The following CHRM3 variants were observed in gnomAD, a reference collection of about 807,000 sequenced individuals.
CHRM3 encodes cholinergic receptor muscarinic 3, also known as muscarinic acetylcholine receptor M3.
CHRM3 carries 11 observed loss-of-function variants against 41.8 expected under a neutral mutation model. The ratio of observed to expected loss-of-function variants is 0.26; its 90% CI spans 0.17 to 0.44. The LOEUF (loss-of-function observed/expected upper bound fraction) is 0.44. Among genes scored for constraint, CHRM3 ranks in the 20% least tolerant of loss-of-function variants. The pLI is 1.00. For synonymous variants in CHRM3, 297 were observed against 301.4 expected (o/e 0.99, Z 0.15); for missense variants, 571 against 745.4 (o/e 0.77, Z 2.72).
chr1:239,675,648 T>A (rs762760435), intron 4 of CHRM3, among the ~76,000 whole-genome samples: 4 of 152,212 alleles, frequency 2.6e-5, no homozygotes, highest in Non-Finnish European at 4.4e-5. Flanking sequence ...AAGTAATTTC[T>A]AATATGTTAT....
chr1:239,816,072 T>C (rs1373872998), intron 5 of CHRM3, among the ~76,000 whole-genome samples: 2 of 152,154 alleles, frequency 1.3e-5, no homozygotes, highest in African/African-American at 4.8e-5. Flanking sequence ...TGCCAGCTTA[T>C]TGCCCTCACA....
intron 2 of CHRM3, among the ~76,000 whole-genome samples, chr1:239,526,479 T>G (rs1386378854): frequency 6.6e-6 from 1 of 152,158 alleles, no homozygotes; most frequent in Non-Finnish European, 1.5e-5. Context: ...GGATTTGACC[T>G]CTGTGAATAC....
chr1:239,388,690 A>G (rs1204780203), intron 1 of CHRM3, among the ~76,000 whole-genome samples: 1 of 152,204 alleles, frequency 6.6e-6, no homozygotes, highest in Admixed American at 6.5e-5. Flanking sequence ...ATATTGTGGG[A>G]TAGACGAGGT....
At chr1:239,857,836 C>CATA (rs1675248566) in intron 6 of CHRM3, among the ~76,000 whole-genome samples, 1 of 152,104 alleles carries the variant, frequency 6.6e-6, no homozygotes, top group Admixed American at 6.5e-5. Context: ...GTGCAATTAC[C>CATA]ATAGGTCTTT....
intron 4 of CHRM3, among the ~76,000 whole-genome samples, chr1:239,662,930 T>TCTTCTTCTTCTTCTC (rs972963044): frequency 5.4e-5 from 8 of 148,378 alleles, no homozygotes; most frequent in African/African-American, 2.0e-4. Flanking sequence ...TTCTTCTTCT[T>TCTTCTTCTTCTTCTC]CTCCTCTTCT....
intron 6 of CHRM3, among the ~76,000 whole-genome samples, chr1:239,848,497 GAAGTGAT>G: frequency 1.3e-5 from 2 of 152,106 alleles, no homozygotes; most frequent in Middle Eastern, 6.8e-3. Context: ...TTAGTATTGT[GAAGTGAT>G]CTATATATGT....
intron 6 of CHRM3, among the ~76,000 whole-genome samples, chr1:239,840,824 T>A (rs1673735866): frequency 6.6e-6 from 1 of 152,218 alleles, no homozygotes; most frequent in Admixed American, 6.5e-5. Flanking sequence ...TAGGATGGCT[T>A]CAGTTTGTAG....
chr1:239,404,400 GAAAGAAAGAAAAAGAAAGAA>G lies in CHRM3; in HGVS notation c.-521+17175_-521+17194del, dbSNP rs1558195462. The stretch of plus-strand genomic sequence containing the variant: ...AGAAAGAAAGAAAGAAAGAAAGAAA[GAAAGAAAGAAAAAGAAAGAA>G]AGAAAGAAAGAAAGAAAGAAAGAAA... On this transcript the variant is annotated intron_variant, in intron 1 of 6. Coordinates refer to ENST00000676153, the MANE Select transcript of CHRM3 (RefSeq NM_001375978.1). 2.9e-3 allele frequency among the ~76,000 whole-genome samples: 172 copies of G among 59,034 alleles called. 5 individuals are homozygous for G. The highest frequency in any genetic ancestry group is 0.01 in the East Asian group (22 of 2,136). 38.7% of individuals were successfully genotyped at this position (59,034 alleles called of 152,430 possible).
intron 1 of CHRM3, among the ~76,000 whole-genome samples, chr1:239,481,309 G>A (rs939913021): frequency 8.6e-5 from 13 of 151,968 alleles, no homozygotes; most frequent in Non-Finnish European, 1.3e-4. Flanking sequence ...TTTAAATTTC[G>A]GAAGACGTAT....
At chr1:239,422,385 G>T (rs546100181) in intron 1 of CHRM3, among the ~76,000 whole-genome samples, 1 of 152,134 alleles carries the variant, frequency 6.6e-6, no homozygotes, top group Non-Finnish European at 1.5e-5. Flanking sequence ...TTTATTTTTT[G>T]TCTTTTTTTC....
chr1:239,783,040 G>T (rs968137045), intron 5 of CHRM3, among the ~76,000 whole-genome samples: 1 of 151,818 alleles, frequency 6.6e-6, no homozygotes, highest in Non-Finnish European at 1.5e-5. Context: ...CTATTTTGGT[G>T]AATGCTTCAT....
intron 5 of CHRM3, among the ~76,000 whole-genome samples, chr1:239,770,887 G>C (rs1335954584): frequency 2.0e-5 from 3 of 152,096 alleles, no homozygotes; most frequent in Non-Finnish European, 4.4e-5. Context: ...AGGAGTTTGA[G>C]ACCAGCCTGA....
chr1:239,718,163 G>A (rs1441421134), intron 5 of CHRM3, among the ~76,000 whole-genome samples: 1 of 152,018 alleles, frequency 6.6e-6, no homozygotes, highest in African/African-American at 2.4e-5. Flanking sequence ...GGATTGAAAT[G>A]CAACCTACTA....
chr1:239,729,342 A>G (rs942970645), intron 5 of CHRM3, among the ~76,000 whole-genome samples: 1 of 151,890 alleles, frequency 6.6e-6, no homozygotes, highest in African/African-American at 2.4e-5. Flanking sequence ...TGAAGGGAAA[A>G]AAAATCCCAG....
chr1:239,475,029 T>C (rs2147964070), intron 1 of CHRM3, among the ~76,000 whole-genome samples: 1 of 152,236 alleles, frequency 6.6e-6, no homozygotes, highest in Middle Eastern at 3.4e-3. Flanking sequence ...ATTATGTTTT[T>C]ATGTCTAGTT....
At chr1:239,460,447 TG>T (rs1158304227) in intron 1 of CHRM3, among the ~76,000 whole-genome samples, 1 of 152,192 alleles carries the variant, frequency 6.6e-6, no homozygotes, top group Non-Finnish European at 1.5e-5. Context: ...TGGTATCCAG[TG>T]AAACTAGTAG....
At chr1:239,701,012 T>G (rs1242225562) in intron 5 of CHRM3, among the ~76,000 whole-genome samples, 1 of 152,218 alleles carries the variant, frequency 6.6e-6, no homozygotes, top group Non-Finnish European at 1.5e-5. Flanking sequence ...GATTAAAACC[T>G]GTGTGACGCT....
intron 5 of CHRM3, among the ~76,000 whole-genome samples, chr1:239,758,080 A>G (rs1342292308): frequency 6.6e-6 from 1 of 152,224 alleles, no homozygotes; most frequent in Non-Finnish European, 1.5e-5. Flanking sequence ...TTATAACACT[A>G]AATACCTTAT....
Position 239,910,163 on chromosome 1 carries a change from G to A in CHRM3, c.*939G>A, listed in dbSNP as rs927364593. 2.4e-5 allele frequency: 4 copies of A among 166,758 alleles called. No homozygotes were observed. The highest frequency in any genetic ancestry group is 9.7e-5 in the African/African-American group (4 of 41,320). The allele number at this position is 166,758 out of a possible 1,614,324, so 10.3% of individuals were successfully genotyped here. On this transcript the variant is annotated 3_prime_UTR_variant, in exon 7 of 7. Coordinates refer to ENST00000676153, the MANE Select transcript of CHRM3 (RefSeq NM_001375978.1). ...TGATGTCTCAACAGAGCTAAATCGGGGCCCCTCTGAGCTCAAAGAATGAAC... is the reference window on the plus strand; with the variant it reads ...TGATGTCTCAACAGAGCTAAATCGGAGCCCCTCTGAGCTCAAAGAATGAAC...
Sources: gnomAD v4.1 joint callset for allele counts (sites outside exome capture counted in the v4.1 genomes callset) on GRCh38, gnomAD v4.1.1 for gene constraint, MANE v1.5 for transcripts, NCBI Gene and HGNC (gene_info 2026-07-23, HGNC 2026-07-21) for gene names.